The following ZNF365 variants were observed in gnomAD, a reference collection of about 807,000 sequenced individuals.
ZNF365 encodes the protein protein ZNF365.
In ZNF365, 22 loss-of-function variants were observed where a neutral mutation model predicts 35.0. The observed-to-expected ratio is 0.63, with a 90% CI of 0.45 to 0.90. ZNF365 has a LOEUF of 0.90. ZNF365 is among the 40% of genes least tolerant of loss of function. The pLI, the probability that ZNF365 is intolerant of heterozygous loss-of-function variation, is 0.00. For missense variants in ZNF365, 448 were observed against 500.3 expected, an observed-to-expected ratio of 0.90 and a Z score of 1.00; for synonymous variants, 188 against 196.2, an observed-to-expected ratio of 0.96 and a Z score of 0.35.
At chr10:62,374,837 GC>G (rs1320370071) in intron 1 of ZNF365, among the ~76,000 whole-genome samples, 7 of 152,124 alleles carry the variant, frequency 4.6e-5, no homozygotes, top group South Asian at 2.1e-4. Context: ...TTTTCCCATT[GC>G]CCCCTTAGAA....
intron 3 of ZNF365, among the ~76,000 whole-genome samples, chr10:62,429,877 C>G (rs1589450179): frequency 6.6e-6 from 1 of 152,158 alleles, no homozygotes; most frequent in Non-Finnish European, 1.5e-5. Flanking sequence ...ACTAGCGTTA[C>G]TCACCAAAGA....
At chr10:62,458,015 A>G (rs1476076879) in intron 3 of ZNF365, among the ~76,000 whole-genome samples, 1 of 152,242 alleles carries the variant, frequency 6.6e-6, no homozygotes, top group African/African-American at 2.4e-5. Context: ...TTAATAGATC[A>G]GATCTTGGGG....
chr10:62,469,818 CTG>C (rs747711112), intron 4 of ZNF365, among the ~76,000 whole-genome samples: 2 of 152,152 alleles, frequency 1.3e-5, no homozygotes, highest in East Asian at 3.9e-4. Flanking sequence ...TGTGAGGAAA[CTG>C]ACACTTAGTG....
chr10:62,461,145 C>T (rs1311895012), intron 4 of ZNF365, among the ~76,000 whole-genome samples: 1 of 152,162 alleles, frequency 6.6e-6, no homozygotes, highest in East Asian at 1.9e-4. Flanking sequence ...TCTTCTAGGG[C>T]TGATCCTCCC....
intron 2 of ZNF365, among the ~76,000 whole-genome samples, chr10:62,384,980 G>A (rs1839503360): frequency 6.6e-6 from 1 of 152,174 alleles, no homozygotes; most frequent in Admixed American, 6.5e-5. Context: ...AACAGGATGT[G>A]AATGAACGGT....
chr10:62,390,035 T>C (rs902162866), intron 3 of ZNF365, among the ~76,000 whole-genome samples: 14 of 152,186 alleles, frequency 9.2e-5, no homozygotes, highest in East Asian at 3.9e-4. Flanking sequence ...CTTTCTGCCG[T>C]CTTCTTTCAT....
intron 3 of ZNF365, among the ~76,000 whole-genome samples, chr10:62,414,523 C>T (rs1278056230): frequency 2.0e-5 from 3 of 152,108 alleles, no homozygotes; most frequent in Non-Finnish European, 4.4e-5. Context: ...GAGCTTTATT[C>T]TTACAAGTTT....
Position 62,401,612 on chromosome 10 carries a change from A to C in ZNF365, c.*1823A>C. On this transcript the variant is annotated 3_prime_UTR_variant, in exon 5 of 5. Coordinates refer to ENST00000395254, the MANE Select transcript of ZNF365 (RefSeq NM_014951.3). ...TGTTATAATTATTATTTATTTGGAGAATTAACTTCCCCCTCTAAAGTTATT... is the reference window on the plus strand; with the variant it reads ...TGTTATAATTATTATTTATTTGGAGCATTAACTTCCCCCTCTAAAGTTATT... 1 of 984,154 alleles carries C rather than the reference A, an allele frequency of 1.0e-6. No homozygotes were observed. The highest frequency in any genetic ancestry group is 5.2e-4 in the Middle Eastern group (1 of 1,910). 61.0% of individuals were successfully genotyped at this position (984,154 alleles called of 1,614,324 possible).
At chr10:62,477,215 TAGGTTTTG>T (rs1841146849) in intron 4 of ZNF365, among the ~76,000 whole-genome samples, 1 of 151,884 alleles carries the variant, frequency 6.6e-6, no homozygotes, top group African/African-American at 2.4e-5. Flanking sequence ...GTGGCTGGGG[TAGGTTTTG>T]AGATGAAGCA....
At chr10:62,403,433 C>T (rs928895336), downstream of ZNF365, among the ~76,000 whole-genome samples, 59 of 152,038 alleles carry the variant, frequency 3.9e-4, no homozygotes, top group Non-Finnish European at 4.9e-4. Flanking sequence ...CCGAGGCGGG[C>T]GGATCACGAG....
intron 3 of ZNF365, among the ~76,000 whole-genome samples, chr10:62,437,667 C>A (rs1015195901): frequency 6.6e-6 from 1 of 152,094 alleles, no homozygotes; most frequent in Admixed American, 6.5e-5. Context: ...CATATACGTA[C>A]GTGTGTGTGT....
intron 3 of ZNF365, among the ~76,000 whole-genome samples, chr10:62,442,033 A>G (rs1164468011): frequency 6.6e-6 from 1 of 152,210 alleles, no homozygotes; most frequent in Non-Finnish European, 1.5e-5. Flanking sequence ...CTGGGTAGAC[A>G]TGCTTAGCAA....
intron 3 of ZNF365, among the ~76,000 whole-genome samples, chr10:62,391,960 G>T (rs1253376778): frequency 6.6e-6 from 1 of 152,214 alleles, no homozygotes; most frequent in Non-Finnish European, 1.5e-5. Flanking sequence ...GAGCAAGGTG[G>T]TATCACATTG....
intron 4 of ZNF365, among the ~76,000 whole-genome samples, chr10:62,473,918 A>G (rs887476732): frequency 6.6e-6 from 1 of 152,178 alleles, no homozygotes; most frequent in African/African-American, 2.4e-5. Context: ...TTTCTTTAGA[A>G]CACCAAAGTT....
At chr10:62,448,487 C>CT (rs954612382) in intron 3 of ZNF365, among the ~76,000 whole-genome samples, 7 of 152,078 alleles carry the variant, frequency 4.6e-5, no homozygotes, top group African/African-American at 1.7e-4. Flanking sequence ...CACTTTGGCC[C>CT]TTTTTTTATT....
At chr10:62,394,690 T>C (rs966380951) in intron 3 of ZNF365, among the ~76,000 whole-genome samples, 1 of 152,172 alleles carries the variant, frequency 6.6e-6, no homozygotes, top group Non-Finnish European at 1.5e-5. Flanking sequence ...AAGATACAGA[T>C]GCCAAAACAT....
chr10:62,393,146 G>A (rs539498386), intron 3 of ZNF365, among the ~76,000 whole-genome samples: 24 of 151,906 alleles, frequency 1.6e-4, no homozygotes, highest in African/African-American at 5.3e-4. Flanking sequence ...GCTATAGCGC[G>A]TACTGAGCTG....
chr10:62,429,913 T>C (rs967812037), intron 3 of ZNF365, among the ~76,000 whole-genome samples: 7 of 152,146 alleles, frequency 4.6e-5, no homozygotes, highest in Non-Finnish European at 7.4e-5. Flanking sequence ...AATCCTAGCA[T>C]AAAATTATCC....
intron 3 of ZNF365, among the ~76,000 whole-genome samples, chr10:62,430,240 G>A (rs540666619): frequency 4.0e-4 from 57 of 141,112 alleles, no homozygotes; most frequent in Non-Finnish European, 5.5e-4. Context: ...ACCTAAAATT[G>A]CTTTTGGAAA....
Sources: allele counts gnomAD v4.1 joint callset (sites outside exome capture counted in the v4.1 genomes callset), GRCh38; gene constraint gnomAD v4.1.1; transcripts MANE v1.5; gene names NCBI Gene and HGNC (gene_info 2026-07-23, HGNC 2026-07-21).